NHERF4: variants seen among roughly 807,000 people sequenced by gnomAD.
NHERF4 encodes the protein NHERF family PDZ scaffold protein 4, also known as Na(+)/H(+) exchange regulatory cofactor NHE-RF4.
chr11:119,186,842 T>A, the NHERF4 span: 2 of 840,800 alleles, frequency 2.4e-6, no homozygotes, highest in Non-Finnish European at 3.6e-6. This position sits in a 1 kb window ranked among gnomAD's most constrained non-coding sequence, Gnocchi z 4.4. Context: ...GGAAAGCATC[T>A]AGAAAGCCGA....
the NHERF4 span, chr11:119,189,033 C>A: frequency 8.1e-6 from 13 of 1,614,122 alleles, no homozygotes; most frequent in African/African-American, 8.0e-5. The surrounding 1 kb of genome is among the most constrained non-coding windows in gnomAD (Gnocchi z 5.8). Flanking sequence ...GCTGCCCGGG[C>A]TGGGCTGCAA....
the NHERF4 span, chr11:119,186,459 C>T: frequency 6.2e-7 from 1 of 1,613,448 alleles, no homozygotes; most frequent in Non-Finnish European, 8.5e-7. The surrounding 1 kb of genome is among the most constrained non-coding windows in gnomAD (Gnocchi z 4.4). Context: ...CCCTTTTCTG[C>T]TGCCCACCTC....
the NHERF4 span, chr11:119,189,204 A>C: frequency 1.9e-6 from 3 of 1,604,820 alleles, no homozygotes; most frequent in Non-Finnish European, 2.5e-6. This position sits in a 1 kb window ranked among gnomAD's most constrained non-coding sequence, Gnocchi z 5.8. Flanking sequence ...GGGGCTGCAG[A>C]GGTGAGGAAG....
At chr11:119,185,639 C>A in the NHERF4 span, 1 of 915,548 alleles carries the variant, frequency 1.1e-6, no homozygotes, top group Non-Finnish European at 1.8e-6. Flanking sequence ...GTAAACAAGT[C>A]AGGAGAAAAG....
At chr11:119,186,504 C>A in the NHERF4 span, 1 of 1,614,180 alleles carries the variant, frequency 6.2e-7, no homozygotes, top group Admixed American at 1.7e-5. The surrounding 1 kb of genome is among the most constrained non-coding windows in gnomAD (Gnocchi z 4.4). Context: ...AGCGGCCTCG[C>A]TTCTGTTTAC....
At chr11:119,186,298 A>C in the NHERF4 span, 35 of 1,596,094 alleles carry the variant, frequency 2.2e-5, no homozygotes, top group Non-Finnish European at 2.9e-5. The surrounding 1 kb of genome is among the most constrained non-coding windows in gnomAD (Gnocchi z 4.4). Flanking sequence ...TAGAGATAGG[A>C]GGGGCCGGGT....
At chr11:119,187,626 C>A in the NHERF4 span, 3 of 1,570,468 alleles carry the variant, frequency 1.9e-6, no homozygotes, top group Admixed American at 3.8e-5. Context: ...GGCAGGGGTG[C>A]CCCCCGGGGC....
the NHERF4 span, chr11:119,187,324 C>T: frequency 8.1e-6 from 13 of 1,612,738 alleles, no homozygotes; most frequent in East Asian, 2.2e-5. Flanking sequence ...AGTATTGGCA[C>T]GGCATGCACA....
At chr11:119,187,761 G>A in the NHERF4 span, 2 of 1,465,458 alleles carry the variant, frequency 1.4e-6, no homozygotes, top group Middle Eastern at 4.8e-4. Flanking sequence ...ACCTCGGGAA[G>A]ACGCCTCCTT....
At chr11:119,189,107 C>T in the NHERF4 span, 2 of 1,614,082 alleles carry the variant, frequency 1.2e-6, no homozygotes, top group South Asian at 2.2e-5. This position sits in a 1 kb window ranked among gnomAD's most constrained non-coding sequence, Gnocchi z 5.8. Flanking sequence ...CCTGGAGAGG[C>T]TTCAGCAGCT....
chr11:119,187,031 C>T, the NHERF4 span, among the ~76,000 whole-genome samples: 4 of 150,338 alleles, frequency 2.7e-5, no homozygotes, highest in South Asian at 2.1e-4. Flanking sequence ...CCCAGCTACT[C>T]GGGAGGGCTG....
At chr11:119,186,773 G>A in the NHERF4 span, 1 of 1,325,860 alleles carries the variant, frequency 7.5e-7, no homozygotes, top group Non-Finnish European at 1.0e-6. The surrounding 1 kb of genome is among the most constrained non-coding windows in gnomAD (Gnocchi z 4.4). Context: ...ATGGCAGCAG[G>A]GCACAAGCCT....
chr11:119,187,740 G>A, the NHERF4 span: 10 of 1,473,122 alleles, frequency 6.8e-6, no homozygotes, highest in Non-Finnish European at 9.0e-6. Flanking sequence ...CCCAATCCGG[G>A]CCTGGGCCCC....
At chr11:119,188,252 GC>G in the NHERF4 span, 1 of 1,569,704 alleles carries the variant, frequency 6.4e-7, no homozygotes, top group Non-Finnish European at 8.6e-7. Context: ...CTGAGCTCTG[GC>G]CCTGGGCCGC....
chr11:119,186,713 C>T, the NHERF4 span: 1 of 1,568,604 alleles, frequency 6.4e-7, no homozygotes, highest in East Asian at 2.3e-5. The surrounding 1 kb of genome is among the most constrained non-coding windows in gnomAD (Gnocchi z 4.4). Flanking sequence ...TCCAGGAGAG[C>T]ATGCTAGCAC....
At chr11:119,188,428 G>T in the NHERF4 span, 5 of 1,613,876 alleles carry the variant, frequency 3.1e-6, no homozygotes, top group Non-Finnish European at 3.4e-6. Context: ...ACCGGCTGGT[G>T]GCTGTGGCTG....
chr11:119,185,722 TG>T, the NHERF4 span: 2 of 804,354 alleles, frequency 2.5e-6, no homozygotes, highest in Admixed American at 2.0e-5. Context: ...GCCAAGGACT[TG>T]GGGGGAGAGA....
At chr11:119,188,219 G>C in the NHERF4 span, 12 of 1,536,164 alleles carry the variant, frequency 7.8e-6, no homozygotes, top group Non-Finnish European at 1.1e-5. Flanking sequence ...ACACCTTTCA[G>C]TGCACCGAAG....
chr11:119,188,278 T>C, the NHERF4 span: 1 of 1,589,898 alleles, frequency 6.3e-7, no homozygotes, highest in Admixed American at 1.7e-5. Context: ...TCCCGTTCAC[T>C]CTGGGGTCAG....
Sources: gnomAD v4.1 joint callset for allele counts (sites outside exome capture counted in the v4.1 genomes callset) on GRCh38, gnomAD v4.1.1 for gene constraint, Gnocchi (gnomAD v3.1) non-coding constraint, MANE v1.5 for transcripts, NCBI Gene and HGNC (gene_info 2026-07-23, HGNC 2026-07-21) for gene names.